GRID2: variants seen among roughly 807,000 people sequenced by gnomAD.
The protein encoded by GRID2 is glutamate ionotropic receptor delta type subunit 2.
In GRID2, 33 loss-of-function variants were observed where a neutral mutation model predicts 114.8. That is an observed-to-expected ratio of 0.29 (90% CI 0.22 to 0.38). The LOEUF is 0.38. Ranked by LOEUF, GRID2 falls within the 10% of genes least tolerant of loss-of-function variation. The pLI is 1.00. For missense variants in GRID2, 1,184 were observed against 1,257.7 expected (o/e 0.94, Z 0.89); for synonymous variants, 505 against 449.9 (o/e 1.12, Z -1.55).
Position 92,713,480 on chromosome 4 carries a change from T to TAC in GRID2, c.244+123195_244+123196insCA, listed in dbSNP as rs1224471563. Among the ~76,000 whole-genome samples, 146 of 64,886 alleles carry TAC rather than the reference T, an allele frequency of 2.3e-3. 1 individual carries two copies. Among genetic ancestry groups the TAC allele is most frequent in the African/African-American group, 4.4e-3 (69 of 15,724 alleles). The allele number at this position is 64,886 out of a possible 152,430, so 42.6% of individuals were successfully genotyped here. A position where few individuals can be genotyped will look rare whatever the true frequency, so the allele number is the denominator to read the frequency against. On this transcript the variant is annotated intron_variant, in intron 2 of 15. Transcript: ENST00000282020. ...ATATATTTACATATACATATACATA[T>TAC]ATATATATATATATATATATATATA...
At chr4:93,777,697 CTAAT>C (rs537819481), downstream of GRID2, among the ~76,000 whole-genome samples, 2 of 152,238 alleles carry the variant, frequency 1.3e-5, no homozygotes, top group South Asian at 2.1e-4. Flanking sequence ...TAATTAAAAA[CTAAT>C]TAAGCTTTCC....
chr4:93,757,758 C>T (rs911634363), intron 14 of GRID2, among the ~76,000 whole-genome samples: 1 of 152,128 alleles, frequency 6.6e-6, no homozygotes, highest in Non-Finnish European at 1.5e-5. Context: ...GAGTTCAAGA[C>T]AATCCTGGCC....
chr4:93,800,071 G>A (rs915777615), intron 1 of GRID2, among the ~76,000 whole-genome samples: 7 of 152,226 alleles, frequency 4.6e-5, no homozygotes, highest in African/African-American at 1.7e-4. Flanking sequence ...TAGAGTAGGA[G>A]TTGGTCTAAT....
At chr4:92,727,916 C>A (rs1042275877) in intron 2 of GRID2, among the ~76,000 whole-genome samples, 1 of 152,060 alleles carries the variant, frequency 6.6e-6, no homozygotes, top group Non-Finnish European at 1.5e-5. Context: ...TTCCAATATA[C>A]GGCTTTGCAA....
chr4:93,318,437 A>G (rs1032395987), intron 8 of GRID2, among the ~76,000 whole-genome samples: 25 of 152,076 alleles, frequency 1.6e-4, no homozygotes, highest in Non-Finnish European at 2.9e-4. Flanking sequence ...TTGATATTAT[A>G]TAGTTAGTTT....
intron 13 of GRID2, among the ~76,000 whole-genome samples, chr4:93,584,262 A>G (rs1737315397): frequency 6.6e-6 from 1 of 152,180 alleles, no homozygotes; most frequent in Non-Finnish European, 1.5e-5. Flanking sequence ...GCCAACAAAC[A>G]AACTAGAAAG....
chr4:93,334,058 T>C (rs752024343), intron 8 of GRID2, among the ~76,000 whole-genome samples: 5 of 152,190 alleles, frequency 3.3e-5, no homozygotes, highest in Non-Finnish European at 5.9e-5. Flanking sequence ...ATATACTTTC[T>C]TTTAATGTGG....
At chr4:93,799,576 T>G (rs930552376) in intron 1 of GRID2, among the ~76,000 whole-genome samples, 24 of 152,280 alleles carry the variant, frequency 1.6e-4, no homozygotes, top group African/African-American at 5.8e-4. Context: ...AATAAAAATT[T>G]TGGAAGCTAG....
intron 1 of GRID2, among the ~76,000 whole-genome samples, chr4:92,568,572 T>C (rs1164968005): frequency 6.6e-6 from 1 of 152,022 alleles, no homozygotes; most frequent in East Asian, 1.9e-4. Context: ...AAATATGTAT[T>C]TTTTCAGTTT....
intron 12 of GRID2, among the ~76,000 whole-genome samples, chr4:93,514,847 A>G (rs1227697626): frequency 1.3e-5 from 2 of 152,168 alleles, no homozygotes; most frequent in African/African-American, 4.8e-5. Flanking sequence ...TGCTGATAAC[A>G]TATTGAAAGT....
At chr4:93,527,213 A>G (rs1244692567) in intron 13 of GRID2, among the ~76,000 whole-genome samples, 2 of 152,178 alleles carry the variant, frequency 1.3e-5, no homozygotes, top group East Asian at 3.9e-4. Context: ...TATGTTTCTC[A>G]GATTAATTGT....
intron 4 of GRID2, among the ~76,000 whole-genome samples, chr4:93,115,600 A>C (rs1375475172): frequency 6.6e-6 from 1 of 152,104 alleles, no homozygotes; most frequent in Non-Finnish European, 1.5e-5. Context: ...CATGCTGCTG[A>C]TAAGGCCATA....
At chr4:93,379,824 A>G (rs559645811) in intron 8 of GRID2, among the ~76,000 whole-genome samples, 1 of 152,062 alleles carries the variant, frequency 6.6e-6, no homozygotes, top group African/African-American at 2.4e-5. Context: ...CAGTTTGGTA[A>G]GTACTTTCTC....
At chr4:93,106,657 C>G (rs982454320) in intron 3 of GRID2, among the ~76,000 whole-genome samples, 86 of 152,332 alleles carry the variant, frequency 5.6e-4, no homozygotes, top group African/African-American at 2.0e-3. Context: ...CACACAGCAG[C>G]TCATAAAGAG....
chr4:92,333,083 C>T (rs1188952905), intron 1 of GRID2, among the ~76,000 whole-genome samples: 1 of 152,216 alleles, frequency 6.6e-6, no homozygotes, highest in Non-Finnish European at 1.5e-5. Flanking sequence ...TCTGTTGTGG[C>T]TCTATTCCTG....
chr4:93,039,728 A>G (rs1725308150), intron 2 of GRID2, among the ~76,000 whole-genome samples: 2 of 152,160 alleles, frequency 1.3e-5, no homozygotes, highest in Non-Finnish European at 2.9e-5. Context: ...GTCTACAGCT[A>G]AACTCAAATC....
At chr4:93,710,385 C>T (rs1728383124) in intron 14 of GRID2, among the ~76,000 whole-genome samples, 1 of 152,200 alleles carries the variant, frequency 6.6e-6, no homozygotes, top group Non-Finnish European at 1.5e-5. Context: ...CCTTGTATTA[C>T]AAGACAGAGA....
intron 8 of GRID2, among the ~76,000 whole-genome samples, chr4:93,251,578 G>T (rs116125952): frequency 3.9e-5 from 6 of 152,030 alleles, no homozygotes; most frequent in African/African-American, 1.5e-4. Context: ...ATGTCATGAG[G>T]GTTTGTTGTA....
At chr4:92,487,501 T>C (rs1722951122) in intron 1 of GRID2, among the ~76,000 whole-genome samples, 1 of 152,114 alleles carries the variant, frequency 6.6e-6, no homozygotes. Flanking sequence ...TTGAAAGATA[T>C]TTCCACTAGA....
Sources: gnomAD v4.1 joint callset for allele counts (sites outside exome capture counted in the v4.1 genomes callset) on GRCh38, gnomAD v4.1.1 for gene constraint, MANE v1.5 for transcripts, NCBI Gene and HGNC (gene_info 2026-07-23, HGNC 2026-07-21) for gene names.